The following WNT2 variants were observed in gnomAD, a reference collection of about 807,000 sequenced individuals.
The protein encoded by WNT2 is Wnt family member 2, also known as protein Wnt-2.
In WNT2, 12 loss-of-function variants were observed where a neutral mutation model predicts 36.9. The ratio of observed to expected loss-of-function variants is 0.33; its 90% confidence interval spans 0.21 to 0.53. The LOEUF is 0.53. Among genes scored for constraint, WNT2 ranks in the 20% least tolerant of loss-of-function variants. WNT2 has a pLI of 0.95. For missense variants in WNT2, 379 were observed against 473.1 expected, an observed-to-expected ratio of 0.80 and a Z score of 1.84; for synonymous variants, 163 against 174.6, an observed-to-expected ratio of 0.93 and a Z score of 0.52.
chr7:117,281,185 A>C (rs920517902), intron 4 of WNT2, among the ~76,000 whole-genome samples: 1 of 152,174 alleles, frequency 6.6e-6, no homozygotes, highest in African/African-American at 2.4e-5. Context: ...GCTATTAGGG[A>C]CAATGAGCAT....
chr7:117,301,111 C>T (rs1463660065), intron 3 of WNT2: 1 of 152,114 alleles, frequency 6.6e-6, no homozygotes, highest in Non-Finnish European at 1.5e-5. Context: ...GTACCATGGT[C>T]ACTTCTTGGT....
chr7:117,318,874 T>G (rs1267839546), intron 2 of WNT2, among the ~76,000 whole-genome samples: 1 of 152,224 alleles, frequency 6.6e-6, no homozygotes, highest in Non-Finnish European at 1.5e-5. Flanking sequence ...GTGTCAAGAT[T>G]AAGTTACAGT....
rs140457955 is a variant in WNT2, at chr7:117,287,119, C to T, written c.854-8735G>A. On this transcript the variant is annotated intron_variant, in intron 4 of 4. Transcript: ENST00000265441. The stretch of plus-strand genomic sequence containing the variant: ...ATCCCAGCACTTTGGGAGGCCAAGG[C>T]AGGCGGATCACAAGTTCATGAGATC... 7.2e-3 allele frequency among the ~76,000 whole-genome samples: 1,093 copies of T among 152,302 alleles called. 13 individuals are homozygous for T. Among genetic ancestry groups the T allele is most frequent in the African/African-American group, 0.025 (1,026 of 41,562 alleles).
chr7:117,296,738 G>A (rs182084043), intron 4 of WNT2, among the ~76,000 whole-genome samples: 11 of 152,284 alleles, frequency 7.2e-5, no homozygotes, highest in Middle Eastern at 3.4e-3. Flanking sequence ...GGACAGCTGC[G>A]GTGTTGAGGC....
At chr7:117,290,952 T>C (rs1197244848) in intron 4 of WNT2, among the ~76,000 whole-genome samples, 1 of 152,228 alleles carries the variant, frequency 6.6e-6, no homozygotes, top group Non-Finnish European at 1.5e-5. Flanking sequence ...ATCCACCCAT[T>C]GCTATTGGCT....
intron 3 of WNT2, among the ~76,000 whole-genome samples, chr7:117,305,297 T>C (rs1353946551): frequency 6.6e-6 from 1 of 152,246 alleles, no homozygotes; most frequent in Non-Finnish European, 1.5e-5. Context: ...TTTGATGTAC[T>C]TTCTGAGAGG....
At chr7:117,294,473 C>T (rs1407861356) in intron 4 of WNT2, among the ~76,000 whole-genome samples, 2 of 151,990 alleles carry the variant, frequency 1.3e-5, no homozygotes, top group African/African-American at 4.8e-5. Context: ...TTTGCACCAA[C>T]CACTTTGGCA....
At chr7:117,298,016 T>A in intron 3 of WNT2, 140 bp from the exon 4 acceptor site, 1 of 1,227,800 alleles carries the variant, frequency 8.1e-7, no homozygotes, top group Non-Finnish European at 1.1e-6. Flanking sequence ...GTTGAAGCAT[T>A]GCTTGTCACT....
chr7:117,293,651 G>C (rs1794732815), intron 4 of WNT2, among the ~76,000 whole-genome samples: 1 of 152,074 alleles, frequency 6.6e-6, no homozygotes, highest in Non-Finnish European at 1.5e-5. Context: ...TTTGGAGCCT[G>C]GCTATCCCAG....
chr7:117,296,218 G>C (rs779883595), intron 4 of WNT2, among the ~76,000 whole-genome samples: 7 of 152,198 alleles, frequency 4.6e-5, no homozygotes, highest in Non-Finnish European at 8.8e-5. Context: ...AGGATGACTT[G>C]TTAGAGGTCC....
intron 4 of WNT2, among the ~76,000 whole-genome samples, chr7:117,294,366 C>G (rs577643218): frequency 7.8e-4 from 119 of 152,276 alleles, no homozygotes; most frequent in African/African-American, 2.7e-3. Flanking sequence ...TTTTAACTAT[C>G]TGGACTTGTG....
intron 3 of WNT2, among the ~76,000 whole-genome samples, chr7:117,299,903 A>T (rs530675187): frequency 2.0e-5 from 3 of 152,316 alleles, no homozygotes; most frequent in Non-Finnish European, 4.4e-5. Flanking sequence ...TGGATCTTAA[A>T]AATAACATTA....
At chr7:117,321,585 C>A (rs956391199) in intron 1 of WNT2, among the ~76,000 whole-genome samples, 4 of 152,166 alleles carry the variant, frequency 2.6e-5, no homozygotes, top group African/African-American at 9.7e-5. Flanking sequence ...ACCCAAGCTG[C>A]CATAGGTGTC....
At chr7:117,304,479 C>T (rs1794977493) in intron 3 of WNT2, among the ~76,000 whole-genome samples, 1 of 147,546 alleles carries the variant, frequency 6.8e-6, no homozygotes, top group South Asian at 2.1e-4. Context: ...TCTTGTTGGC[C>T]AGGCTGGAGT....
At position 117,297,480 on chromosome 7, in the gene WNT2, T is replaced by G. The variant is rs530435075; in HGVS notation, c.853+132A>C. On this transcript the variant is annotated intron_variant, in intron 4 of 4. Coordinates refer to ENST00000265441, the MANE Select transcript of WNT2 (RefSeq NM_003391.3). ...CCACCGCGCCCAGCCCTGTACAGTT[T>G]CAATAAGAATGATAAGGATCGTGAG... 1,194 of 1,233,622 alleles carry G rather than the reference T, an allele frequency of 9.7e-4. 2 individuals are homozygous for G. Among genetic ancestry groups the G allele is most frequent in the Non-Finnish European group, 1.2e-3 (1,109 of 894,438 alleles). 76.4% of individuals were successfully genotyped at this position (1,233,622 alleles called of 1,614,324 possible).
chr7:117,286,474 C>A (rs1192315655), intron 4 of WNT2, among the ~76,000 whole-genome samples: 3 of 151,970 alleles, frequency 2.0e-5, no homozygotes, highest in Admixed American at 6.6e-5. Context: ...CTCTCCTCCT[C>A]ACCTCCTTCT....
chr7:117,295,568 G>A (rs1669539827), intron 4 of WNT2, among the ~76,000 whole-genome samples: 1 of 152,184 alleles, frequency 6.6e-6, no homozygotes, highest in South Asian at 2.1e-4. Flanking sequence ...TATTCCTCAG[G>A]TACACCAGCC....
At chr7:117,294,952 G>A (rs1353649540) in intron 4 of WNT2, among the ~76,000 whole-genome samples, 1 of 152,128 alleles carries the variant, frequency 6.6e-6, no homozygotes, top group Non-Finnish European at 1.5e-5. Context: ...TTACCCAGTC[G>A]TGGTGACACA....
At position 117,315,110 on chromosome 7, in the gene WNT2, T is replaced by C. The variant is rs771717024; in HGVS notation, c.549A>G (p.Arg183=). The change falls in exon 3 of 5, where the codon AGA becomes AGG. Residue 183 remains arginine (R), a synonymous_variant. Coordinates refer to ENST00000265441, the MANE Select transcript of WNT2 (RefSeq NM_003391.3). Reference sequence around the variant, plus strand: ...TGTTGTTGTGAAGATTCATCAGGGCTCTGGCATCCTTTCCTTTCCTTTCCT... The same window carrying C: ...TGTTGTTGTGAAGATTCATCAGGGCCCTGGCATCCTTTCCTTTCCTTTCCT... ...DAKERKGKDA[R]ALMNLHNNRA... The C allele has an allele frequency of 5.0e-6, 8 of 1,614,084 alleles. No homozygotes were observed. Among genetic ancestry groups the C allele is most frequent in the Admixed American group, 1.7e-5 (1 of 60,006 alleles).
Sources: gnomAD v4.1 joint callset for allele counts (sites outside exome capture counted in the v4.1 genomes callset) on GRCh38, gnomAD v4.1.1 for gene constraint, MANE v1.5 for transcripts, NCBI Gene and HGNC (gene_info 2026-07-23, HGNC 2026-07-21) for gene names.